The following ENAH variants were observed in gnomAD, a reference collection of about 807,000 sequenced individuals.
ENAH encodes the protein protein enabled homolog.
ENAH carries 23 observed loss-of-function variants against 78.7 expected under a neutral mutation model. That is an observed-to-expected ratio of 0.29 (90% CI 0.21 to 0.41). The LOEUF (loss-of-function observed/expected upper bound fraction) is 0.41, where lower values mean the gene tolerates loss of function less well. Among genes scored for constraint, ENAH ranks in the 10% least tolerant of loss-of-function variants. ENAH has a pLI of 1.00. For missense variants in ENAH, 544 were observed against 691.0 expected, an observed-to-expected ratio of 0.79 and a Z score of 2.39; for synonymous variants, 226 against 241.0, an observed-to-expected ratio of 0.94 and a Z score of 0.58.
chr1:225,550,020 T>C (rs2096633981), intron 3 of ENAH, among the ~76,000 whole-genome samples: 1 of 152,230 alleles, frequency 6.6e-6, no homozygotes, highest in East Asian at 1.9e-4. Context: ...CATGATAACA[T>C]GCACACTCGT....
intron 1 of ENAH, among the ~76,000 whole-genome samples, chr1:225,571,136 T>C (rs1016808380): frequency 2.0e-5 from 3 of 151,816 alleles, no homozygotes; most frequent in African/African-American, 7.3e-5. Flanking sequence ...CTCAGCACTT[T>C]GGGAGGCCAA....
intron 5 of ENAH, among the ~76,000 whole-genome samples, chr1:225,518,342 CAG>C (rs1198854024): frequency 6.6e-6 from 1 of 152,004 alleles, no homozygotes; most frequent in African/African-American, 2.4e-5. Flanking sequence ...GGACCATAAA[CAG>C]AAGAATAAAT....
intron 1 of ENAH, among the ~76,000 whole-genome samples, chr1:225,568,211 A>T (rs2096743924): frequency 6.6e-6 from 1 of 152,208 alleles, no homozygotes; most frequent in African/African-American, 2.4e-5. Flanking sequence ...ATTTGTTACC[A>T]AGTGAGACTG....
chr1:225,513,165 T>C (rs2096390223), intron 7 of ENAH, 149 bp from the exon 8 acceptor site: 1 of 657,564 alleles, frequency 1.5e-6, no homozygotes, highest in Non-Finnish European at 2.4e-6. Flanking sequence ...AATAGATTCT[T>C]AGCATGACTT....
rs55962047 is a variant in ENAH at position 225,588,801 on chromosome 1, CAAAAAAAA to C, written c.6-21395_6-21388del. Among the ~76,000 whole-genome samples the C allele has an allele frequency of 1.2e-3, 93 of 78,448 alleles. 1 individual carries two copies. Among genetic ancestry groups the C allele is most frequent in the South Asian group, 3.7e-3 (9 of 2,402 alleles). The allele number at this position is 78,448 out of a possible 152,430, so 51.5% of individuals were successfully genotyped here. On this transcript the variant is annotated intron_variant, in intron 1 of 13. Coordinates refer to ENST00000366843, the MANE Select transcript of ENAH (RefSeq NM_018212.6). The stretch of plus-strand genomic sequence containing the variant: ...GCCTGGCAATAGAGCAAGTCTGTGT[CAAAAAAAA>C]AAAAAAAAAAAAAAAAGGAAAAAAC...
intron 1 of ENAH, among the ~76,000 whole-genome samples, chr1:225,634,206 CCAAA>C (rs1659632368): frequency 2.0e-5 from 3 of 152,074 alleles, no homozygotes; most frequent in Admixed American, 2.0e-4. Flanking sequence ...GTCTAAGCAA[CCAAA>C]CAGATATGTG....
intron 4 of ENAH, among the ~76,000 whole-genome samples, chr1:225,522,348 C>T (rs189166605): frequency 7.4e-4 from 112 of 152,298 alleles, no homozygotes; most frequent in Admixed American, 1.3e-3. Context: ...AAAACACACA[C>T]CCTCTCCTGG....
intron 1 of ENAH, among the ~76,000 whole-genome samples, chr1:225,584,052 C>G (rs934656429): frequency 6.6e-6 from 1 of 151,932 alleles, no homozygotes. Context: ...ATTTGGGAGG[C>G]TAAGACACAA....
At chr1:225,524,153 C>CA (rs1175860090) in intron 4 of ENAH, among the ~76,000 whole-genome samples, 2 of 152,096 alleles carry the variant, frequency 1.3e-5, no homozygotes, top group African/African-American at 4.8e-5. Context: ...TATTTCTCTC[C>CA]AAAACAGCTA....
At chr1:225,646,054 C>T (rs1446579653) in intron 1 of ENAH, among the ~76,000 whole-genome samples, 1 of 152,076 alleles carries the variant, frequency 6.6e-6, no homozygotes, top group East Asian at 1.9e-4. Flanking sequence ...AATCAATCAA[C>T]CCCCCTAATT....
intron 1 of ENAH, among the ~76,000 whole-genome samples, chr1:225,608,501 A>G (rs1205619917): frequency 6.6e-6 from 1 of 151,984 alleles, no homozygotes. Flanking sequence ...GTTTCCAGAA[A>G]GAAAAAAACA....
intron 1 of ENAH, among the ~76,000 whole-genome samples, chr1:225,567,733 T>C (rs2096741834): frequency 6.6e-6 from 1 of 152,224 alleles, no homozygotes; most frequent in South Asian, 2.1e-4. Flanking sequence ...AACTATTATG[T>C]TGGTTCAAAA....
intron 1 of ENAH, among the ~76,000 whole-genome samples, chr1:225,588,344 C>T (rs1397257888): frequency 6.6e-6 from 1 of 152,174 alleles, no homozygotes; most frequent in Non-Finnish European, 1.5e-5. Context: ...TGTCACAAAA[C>T]ATGATATATA....
At chr1:225,505,509 A>C (rs2096320059) in intron 11 of ENAH, among the ~76,000 whole-genome samples, 1 of 152,220 alleles carries the variant, frequency 6.6e-6, no homozygotes, top group Non-Finnish European at 1.5e-5. Flanking sequence ...CAAATACAGC[A>C]ATATGCAATA....
At chr1:225,626,620 CTG>C (rs1188552079) in intron 1 of ENAH, among the ~76,000 whole-genome samples, 2 of 152,208 alleles carry the variant, frequency 1.3e-5, no homozygotes, top group Non-Finnish European at 2.9e-5. Flanking sequence ...GGCTCCAAAA[CTG>C]TGAGAAATAA....
chr1:225,575,039 C>T (rs1000649575), intron 1 of ENAH, among the ~76,000 whole-genome samples: 3 of 151,922 alleles, frequency 2.0e-5, no homozygotes, highest in African/African-American at 7.3e-5. Context: ...AAGCACTAGA[C>T]GAGCTTTTTC....
At chr1:225,559,694 C>G (rs990615822) in intron 2 of ENAH, among the ~76,000 whole-genome samples, 1 of 152,122 alleles carries the variant, frequency 6.6e-6, no homozygotes, top group Non-Finnish European at 1.5e-5. Flanking sequence ...TATCCCACAA[C>G]TCAAATAGGA....
At chr1:225,627,409 A>T (rs1658150075) in intron 1 of ENAH, among the ~76,000 whole-genome samples, 1 of 152,102 alleles carries the variant, frequency 6.6e-6, no homozygotes, top group African/African-American at 2.4e-5. Context: ...GGAGGAGGGG[A>T]AGACTGATGG....
At chr1:225,571,851 A>G (rs2096764142) in intron 1 of ENAH, among the ~76,000 whole-genome samples, 1 of 152,148 alleles carries the variant, frequency 6.6e-6, no homozygotes, top group South Asian at 2.1e-4. Flanking sequence ...AAAGGGCAGG[A>G]AAAGACTCAA....
Sources: gnomAD v4.1 joint callset for allele counts (sites outside exome capture counted in the v4.1 genomes callset) on GRCh38, gnomAD v4.1.1 for gene constraint, MANE v1.5 for transcripts, NCBI Gene and HGNC (gene_info 2026-07-23, HGNC 2026-07-21) for gene names.